The following ECI2 variants were observed in gnomAD, a reference collection of about 807,000 sequenced individuals.
The protein encoded by ECI2 is enoyl-CoA delta isomerase 2.
A neutral mutation model predicts 38.4 loss-of-function variants in ECI2; 27 were observed. The observed-to-expected ratio is 0.70, with a 90% CI of 0.52 to 0.97. ECI2 has a LOEUF of 0.97. Among genes scored for constraint, ECI2 ranks in the 50% least tolerant of loss-of-function variants. The pLI is 0.00. For synonymous variants in ECI2, 168 were observed against 172.0 expected (o/e 0.98, Z 0.18); for missense variants, 470 against 474.4 (o/e 0.99, Z 0.09).
chr6:4,119,008 G>C, intron 8 of ECI2, 178 bp downstream of exon 8: 1 of 534,164 alleles, frequency 1.9e-6, no homozygotes, highest in Admixed American at 3.5e-5. Context: ...CTGCATAGCA[G>C]ATACTTCCCA....
chr6:4,128,707 A>G (rs1004428194), intron 4 of ECI2, among the ~76,000 whole-genome samples: 1 of 152,246 alleles, frequency 6.6e-6, no homozygotes, highest in Non-Finnish European at 1.5e-5. Context: ...ACAATACAGT[A>G]TAACAACAAT....
In ECI2 at chr6:4,125,376, G is replaced by A. The variant is rs758007119; in HGVS notation, c.675-6C>T. On this transcript the variant is annotated splice_polypyrimidine_tract_variant and splice_region_variant and intron_variant, in intron 6 of 9. Transcript: ENST00000380118. ...TAAAACAGCCCACAAATTCCCTACA[G>A]AAATGGAAACACAAAATCATTAAAT... The A allele has an allele frequency of 1.9e-6, 3 of 1,613,950 alleles. No homozygotes were observed. Among genetic ancestry groups the A allele is most frequent in the African/African-American group, 1.3e-5 (1 of 75,034 alleles).
Position 4,130,352 on chromosome 6 carries a change from C to T in ECI2, c.501+20G>A, listed in dbSNP as rs762054097. On this transcript the variant is annotated intron_variant, in intron 4 of 9. Transcript: ENST00000380118. The stretch of plus-strand genomic sequence containing the variant: ...AGAAGAAAGTAAAACAGGACAAACT[C>T]CGTGGGCAGGTAACATTACCTCAGT... 27 of 1,614,016 alleles carry T rather than the reference C, an allele frequency of 1.7e-5. No individual in the cohort carries two copies. The South Asian group carries it at 2.2e-4, about 13-fold the overall frequency.
Position 4,130,520 on chromosome 6 carries a change from A to G in ECI2, c.353T>C (p.Leu118Ser), listed in dbSNP as rs1268870568. The G allele has an allele frequency of 1.9e-6, 3 of 1,614,258 alleles. No individual in the cohort carries two copies. Among genetic ancestry groups the G allele is most frequent in the Non-Finnish European group, 2.5e-6 (3 of 1,180,044 alleles). ...RQNYVDLVSS[L>S]SPSLESSSQV... ...ACTAGAGGATTCCAATGAAGGACTCAAACTGGACACCAAATCCACATAGTT... is the reference window on the plus strand; with the variant it reads ...ACTAGAGGATTCCAATGAAGGACTCGAACTGGACACCAAATCCACATAGTT... The change falls in exon 4 of 10, where the codon TTG (leucine) becomes TCG (serine). Residue 118 changes from leucine to serine, a missense_variant. Leu to Ser is a moderately radical substitution (Grantham distance 145, BLOSUM62 -2). Coordinates refer to ENST00000380118, the MANE Select transcript of ECI2 (RefSeq NM_206836.3).
chr6:4,125,348 C>T lies in ECI2; in HGVS notation c.697G>A (p.Asp233Asn). Residue 233 changes from aspartate to asparagine, a missense_variant, in exon 7 of 10, where the codon GAT becomes AAT. Transcript: ENST00000380118. Reference sequence around the variant, plus strand: ...ACTGCAATCAGAGGCTTAGGAAAATCTATAAAACAGCCCACAAATTCCCTA... The same window carrying T: ...ACTGCAATCAGAGGCTTAGGAAAATTTATAAAACAGCCCACAAATTCCCTA... ...LLREFVGCFI[D>N]FPKPLIAVVN... The T allele has an allele frequency of 6.2e-7, 1 of 1,614,160 alleles. No individual in the cohort carries two copies. The highest frequency in any genetic ancestry group is 8.5e-7 in the Non-Finnish European group (1 of 1,180,038).
At chr6:4,129,934 ATTTG>A (rs1409343163) in intron 4 of ECI2, among the ~76,000 whole-genome samples, 1 of 152,090 alleles carries the variant, frequency 6.6e-6, no homozygotes, top group Non-Finnish European at 1.5e-5. Flanking sequence ...CTGGGTGATA[ATTTG>A]TTTAAGATGA....
At chr6:4,133,298 A>T (rs1274566899) in intron 2 of ECI2, among the ~76,000 whole-genome samples, 1 of 152,160 alleles carries the variant, frequency 6.6e-6, no homozygotes, top group Non-Finnish European at 1.5e-5. Flanking sequence ...AGTAAGGTCT[A>T]CAAATGTGAA....
At chr6:4,124,805 T>C (rs904363298) in intron 7 of ECI2, among the ~76,000 whole-genome samples, 1 of 152,188 alleles carries the variant, frequency 6.6e-6, no homozygotes, top group Admixed American at 6.5e-5. Context: ...GAGCTTCAGT[T>C]TTCTTATCTG....
intron 7 of ECI2, chr6:4,125,020 A>C (rs1019044570): frequency 1.5e-6 from 1 of 680,832 alleles, no homozygotes; most frequent in African/African-American, 1.8e-5. Flanking sequence ...ATTTGATTAG[A>C]ATCCGGAACA....
At chr6:4,132,210 G>T (rs1406907133) in intron 2 of ECI2, among the ~76,000 whole-genome samples, 1 of 152,202 alleles carries the variant, frequency 6.6e-6, no homozygotes, top group Non-Finnish European at 1.5e-5. Context: ...GTCTGGGGCA[G>T]TAGCAAATGT....
At chr6:4,125,922 T>G in intron 6 of ECI2, 11 of 668,336 alleles carry the variant, frequency 1.6e-5, no homozygotes, top group East Asian at 2.9e-5. Flanking sequence ...TCAAATCTCA[T>G]GAGACCAGCA....
In ECI2 at chr6:4,117,174, TC is replaced by T. The variant is rs1424773119; in HGVS notation, c.1029+133del. On this transcript the variant is annotated intron_variant, in intron 9 of 9. Coordinates refer to ENST00000380118, the MANE Select transcript of ECI2 (RefSeq NM_206836.3). The stretch of plus-strand genomic sequence containing the variant: ...AACATTACTACAGTTATTTTTTAAT[TC>T]CAAATTTAGATGTGCTTAGAGGTAA... 7 of 1,144,004 alleles carry T rather than the reference TC, an allele frequency of 6.1e-6. No homozygotes were observed. In the African/African-American group the frequency reaches 9.6e-5, roughly 16 times the overall value. The allele number at this position is 1,144,004 out of a possible 1,614,324, so 70.9% of individuals were successfully genotyped here.
Position 4,115,714 on chromosome 6 carries a change from C to A in ECI2, c.*160G>T. On this transcript the variant is annotated 3_prime_UTR_variant, in exon 10 of 10. Transcript: ENST00000380118. ...TGTGTGAATTCTTAAGCTTGTTTTA[C>A]AAAACTTTTTATTCATCAGAGCTGT... 4 of 1,237,884 alleles carry A rather than the reference C, an allele frequency of 3.2e-6. No homozygotes were observed. The highest frequency in any genetic ancestry group is 4.5e-6 in the Non-Finnish European group (4 of 882,748). 76.7% of individuals were successfully genotyped at this position (1,237,884 alleles called of 1,614,324 possible).
chr6:4,117,974 A>G (rs1160791199), intron 8 of ECI2: 1 of 152,246 alleles, frequency 6.6e-6, no homozygotes, highest in East Asian at 1.9e-4. Context: ...TTCCGAAAAA[A>G]CTGAGGACAT....
intron 1 of ECI2, 191 bp from the exon 2 acceptor site, chr6:4,133,902 G>A: frequency 3.8e-6 from 2 of 533,184 alleles, no homozygotes; most frequent in South Asian, 4.5e-5. Flanking sequence ...CAATACAGAA[G>A]CTAACAGTAG....
intron 4 of ECI2, among the ~76,000 whole-genome samples, chr6:4,129,795 G>A (rs1161327081): frequency 1.3e-5 from 2 of 152,100 alleles, no homozygotes; most frequent in East Asian, 3.9e-4. Context: ...TGAGCACCAA[G>A]CATCCAATTA....
chr6:4,123,572 T>C (rs554125476), intron 7 of ECI2, among the ~76,000 whole-genome samples: 1 of 149,914 alleles, frequency 6.7e-6, no homozygotes, highest in Non-Finnish European at 1.5e-5. Flanking sequence ...TTATAATATA[T>C]ATAGAATAGA....
At chr6:4,129,089 T>TCTCC (rs199756007) in intron 4 of ECI2, among the ~76,000 whole-genome samples, 1 of 150,904 alleles carries the variant, frequency 6.6e-6, no homozygotes, top group Non-Finnish European at 1.5e-5. Context: ...TATCAGGGTT[T>TCTCC]CTCCCTCCCT....
chr6:4,117,555 G>C (rs1010427089), intron 8 of ECI2, 104 bp from the exon 9 acceptor site: 11 of 1,452,584 alleles, frequency 7.6e-6, no homozygotes, highest in Non-Finnish European at 7.3e-6. Flanking sequence ...ATGGTCTTTT[G>C]AGGTTGCTGG....
Sources: gnomAD v4.1 joint callset for allele counts (sites outside exome capture counted in the v4.1 genomes callset) on GRCh38, gnomAD v4.1.1 for gene constraint, MANE v1.5 for transcripts, NCBI Gene and HGNC (gene_info 2026-07-23, HGNC 2026-07-21) for gene names.